TAB2: variants seen among roughly 807,000 people sequenced by gnomAD.
The protein encoded by TAB2 is TGF-beta activated kinase 1 (MAP3K7) binding protein 2.
TAB2 carries 3 observed loss-of-function variants against 65.0 expected under a neutral mutation model. The ratio of observed to expected loss-of-function variants is 0.05; its 90% CI spans 0.02 to 0.12. The LOEUF is 0.12. TAB2 is among the 10% of genes least tolerant of loss of function. The pLI is 1.00. For synonymous variants in TAB2, 298 were observed against 285.1 expected (o/e 1.05, Z -0.46); for missense variants, 623 against 840.3 (o/e 0.74, Z 3.20).
intron 1 of TAB2, among the ~76,000 whole-genome samples, chr6:149,335,000 G>T (rs539848242): frequency 6.6e-6 from 1 of 152,206 alleles, no homozygotes; most frequent in African/African-American, 2.4e-5. Context: ...TAGTTTACTT[G>T]TTCCAGTCCC....
chr6:149,266,576 C>T (rs145865830), intron 1 of TAB2, among the ~76,000 whole-genome samples: 3 of 152,304 alleles, frequency 2.0e-5, no homozygotes, highest in Admixed American at 6.5e-5. Flanking sequence ...AAACAGTGAT[C>T]GGCTTATAAC....
intron 1 of TAB2, among the ~76,000 whole-genome samples, chr6:149,312,189 T>A (rs485360): frequency 2.6e-5 from 4 of 152,118 alleles, no homozygotes; most frequent in African/African-American, 9.6e-5. Flanking sequence ...CGGGTGCTTC[T>A]CCCCACAGTG....
rs1340275596 is a variant in TAB2, at chr6:149,409,635, T to C, written c.1998T>C (p.Ala666=). 4 of 1,613,972 alleles carry C rather than the reference T, an allele frequency of 2.5e-6. No homozygotes were observed. The highest frequency in any genetic ancestry group is 3.4e-6 in the Non-Finnish European group (4 of 1,179,924). Residue 666 remains alanine (A), a synonymous_variant, in exon 7 of 7, where the codon GCT becomes GCC. Coordinates refer to ENST00000637181, the MANE Select transcript of TAB2 (RefSeq NM_001292034.3). The part of the protein sequence containing the change: ...KTQDTEDDEG[A]QWNCTACTFL... ...AAGACACAGAAGATGATGAGGGAGC[T>C]CAGTGGAATTGTACCGCCTGTACTT...
At position 149,319,978 on chromosome 6, in the gene TAB2, A is replaced by G. The variant is rs140722769; in HGVS notation, c.-90+1963A>G. On this transcript the variant is annotated intron_variant, in intron 1 of 6. Coordinates refer to ENST00000637181, the MANE Select transcript of TAB2 (RefSeq NM_001292034.3). The stretch of plus-strand genomic sequence containing the variant: ...TTTAACTTAATCCCGTTTGATTGAA[A>G]TCACACCTATGCTTGGTCCTCTAGT... 2.3e-4 allele frequency among the ~76,000 whole-genome samples: 35 copies of G among 152,352 alleles called. No homozygotes were observed. The East Asian group carries it at 6.5e-3, about 29-fold the overall frequency.
intron 6 of TAB2, among the ~76,000 whole-genome samples, chr6:149,403,353 CACACACA>C (rs1782547246): frequency 7.2e-6 from 1 of 139,050 alleles, no homozygotes. Context: ...CACACACACA[CACACACA>C]CACACACACA....
intron 1 of TAB2, among the ~76,000 whole-genome samples, chr6:149,353,740 T>C (rs1484233615): frequency 3.9e-5 from 6 of 152,248 alleles, no homozygotes. Context: ...GTTATTTGTT[T>C]ACAAGACTGG....
At chr6:149,258,070 T>G (rs1008854979) in intron 1 of TAB2, among the ~76,000 whole-genome samples, 15 of 152,190 alleles carry the variant, frequency 9.9e-5, no homozygotes, top group African/African-American at 3.6e-4. Flanking sequence ...CAGCTGTGTT[T>G]GTGGCTAGGC....
rs572698584 is a variant in TAB2 at position 149,310,251 on chromosome 6, C to T, written c.-120-67767C>T. 1.2e-4 allele frequency among the ~76,000 whole-genome samples: 18 copies of T among 152,082 alleles called. No homozygotes were observed. In the South Asian group the frequency reaches 3.5e-3, roughly 30 times the overall value. On this transcript the variant is annotated intron_variant, in intron 1 of 1. Coordinates refer to the TAB2 transcript ENST00000606202. Reference sequence around the variant, plus strand: ...ACTCAGGAGGCTAAGGTGGGAGGATCGCTTGAGCCTGGGAGGCAGAGGTTG... The same window carrying T: ...ACTCAGGAGGCTAAGGTGGGAGGATTGCTTGAGCCTGGGAGGCAGAGGTTG...
intron 1 of TAB2, among the ~76,000 whole-genome samples, chr6:149,266,205 A>T (rs1778261576): frequency 6.6e-6 from 1 of 152,238 alleles, no homozygotes; most frequent in Non-Finnish European, 1.5e-5. Context: ...GAACCGTACA[A>T]GGACTGACCT....
In TAB2 at chr6:149,356,520, T is replaced by G. The variant is rs190210167; in HGVS notation, c.-89-13389T>G. Reference sequence around the variant, plus strand: ...CCAGCAGACTGAATGTCTGGTGAATTCCCACTCTGTGGTTCGTAGGTGGCA... The same window carrying G: ...CCAGCAGACTGAATGTCTGGTGAATGCCCACTCTGTGGTTCGTAGGTGGCA... On this transcript the variant is annotated intron_variant, in intron 1 of 6. Transcript: ENST00000637181. 5.9e-5 allele frequency among the ~76,000 whole-genome samples: 9 copies of G among 152,280 alleles called. No homozygotes were observed. The East Asian group carries it at 1.7e-3, about 29-fold the overall frequency.
intron 1 of TAB2, among the ~76,000 whole-genome samples, chr6:149,350,437 T>A (rs903441288): frequency 4.6e-5 from 7 of 152,116 alleles, no homozygotes; most frequent in African/African-American, 9.7e-5. Flanking sequence ...CAGAAAAAAT[T>A]ATTACCGCTA....
At chr6:149,251,756 C>T (rs957065295) in intron 1 of TAB2, among the ~76,000 whole-genome samples, 9 of 152,070 alleles carry the variant, frequency 5.9e-5, no homozygotes, top group East Asian at 1.9e-4. Context: ...AACTTGTGTC[C>T]GATCCAAAAA....
chr6:149,306,058 G>A (rs1019280118), intron 1 of TAB2, among the ~76,000 whole-genome samples: 1 of 152,180 alleles, frequency 6.6e-6, no homozygotes, highest in Non-Finnish European at 1.5e-5. Context: ...AGGGAAAGAA[G>A]TGGGTGGGCT....
chr6:149,371,133 T>C (rs1040548154), intron 2 of TAB2, among the ~76,000 whole-genome samples: 21 of 152,004 alleles, frequency 1.4e-4, no homozygotes, highest in African/African-American at 5.1e-4. Flanking sequence ...TGAAGTGATT[T>C]TTAAAGTTTG....
intron 1 of TAB2, among the ~76,000 whole-genome samples, chr6:149,267,451 T>C (rs973067564): frequency 3.9e-5 from 6 of 152,188 alleles, no homozygotes; most frequent in Admixed American, 1.3e-4. Context: ...TGACAATAGC[T>C]TGATAACTGG....
intron 1 of TAB2, among the ~76,000 whole-genome samples, chr6:149,276,944 G>A (rs1230514308): frequency 6.6e-6 from 1 of 152,214 alleles, no homozygotes; most frequent in Middle Eastern, 3.4e-3. Flanking sequence ...TGAATCATGG[G>A]GGTGGTTTCC....
At chr6:149,339,614 T>A (rs1780050798) in intron 1 of TAB2, among the ~76,000 whole-genome samples, 1 of 143,714 alleles carries the variant, frequency 7.0e-6, no homozygotes, top group African/African-American at 2.5e-5. Flanking sequence ...TATTTTTTTT[T>A]TTTTTTGAGA....
intron 1 of TAB2, among the ~76,000 whole-genome samples, chr6:149,270,407 TC>T (rs1383933751): frequency 6.6e-6 from 1 of 152,274 alleles, no homozygotes; most frequent in East Asian, 1.9e-4. Flanking sequence ...ACTGCATTAT[TC>T]CTTTTTTTCT....
rs145736211 is a variant in TAB2 at position 149,386,262 on chromosome 6, T to C, written c.1603+6744T>C. Among the ~76,000 whole-genome samples, 767 of 152,316 alleles carry C rather than the reference T, an allele frequency of 5.0e-3. 8 individuals carry two copies. The highest frequency in any genetic ancestry group is 0.018 in the African/African-American group (742 of 41,540). ...TACGTAAATCTATTATTCTTTAAAATTTTTTAATGTTTAGTCATTATTTTA... is the reference window on the plus strand; with the variant it reads ...TACGTAAATCTATTATTCTTTAAAACTTTTTAATGTTTAGTCATTATTTTA... On this transcript the variant is annotated intron_variant, in intron 3 of 6. Transcript: ENST00000637181.
Sources: gnomAD v4.1 joint callset for allele counts (sites outside exome capture counted in the v4.1 genomes callset) on GRCh38, gnomAD v4.1.1 for gene constraint, MANE v1.5 for transcripts, NCBI Gene and HGNC (gene_info 2026-07-23, HGNC 2026-07-21) for gene names.